Variants in CNBD1 observed in about 807,000 individuals in gnomAD.
The protein encoded by CNBD1 is cyclic nucleotide-binding domain-containing protein 1.
A neutral mutation model predicts 54.4 loss-of-function variants in CNBD1; 71 were observed. The ratio of observed to expected loss-of-function variants is 1.30; its 90% confidence interval spans 1.08 to 1.59. The LOEUF is 1.59. Ranked by LOEUF, CNBD1 falls within the 40% of genes most tolerant of loss-of-function variation. The pLI is 0.00. For synonymous variants in CNBD1, 182 were observed against 170.7 expected (o/e 1.07, Z -0.51); for missense variants, 659 against 518.0 (o/e 1.27, Z -2.64).
intron 4 of CNBD1, among the ~76,000 whole-genome samples, chr8:87,080,468 G>A (rs997999221): frequency 3.3e-5 from 5 of 151,988 alleles, no homozygotes; most frequent in African/African-American, 1.2e-4. Flanking sequence ...TGTAATCCCA[G>A]CTGAGGGATA....
At chr8:87,239,397 G>A (rs1807646746) in intron 6 of CNBD1, among the ~76,000 whole-genome samples, 1 of 151,838 alleles carries the variant, frequency 6.6e-6, no homozygotes, top group Non-Finnish European at 1.5e-5. Context: ...TTACTTAGTG[G>A]GCCTTTTTCA....
At chr8:87,415,768 TTAAAAAGCTG>T (rs1461716867) in intron 2 of CNBD1, among the ~76,000 whole-genome samples, 5 of 151,872 alleles carry the variant, frequency 3.3e-5, no homozygotes, top group Admixed American at 2.6e-4. Flanking sequence ...AACCTCCTGC[TTAAAAAGCTG>T]TAAAAAGCTA....
At chr8:87,406,417 T>C (rs1237328879) in intron 2 of CNBD1, among the ~76,000 whole-genome samples, 1 of 149,926 alleles carries the variant, frequency 6.7e-6, no homozygotes, top group Non-Finnish European at 1.5e-5. Context: ...TCACTAGAGG[T>C]AATACTCAGT....
chr8:86,972,947 C>T (rs997781700), intron 4 of CNBD1, among the ~76,000 whole-genome samples: 2 of 152,104 alleles, frequency 1.3e-5, no homozygotes, highest in African/African-American at 4.8e-5. Context: ...TCTTGCTGTC[C>T]CCTCATCCCC....
chr8:87,302,900 A>G (rs1452927222), intron 8 of CNBD1, among the ~76,000 whole-genome samples: 18 of 152,164 alleles, frequency 1.2e-4, no homozygotes, highest in Admixed American at 9.2e-4. Context: ...CTTCAAAGAG[A>G]ATAAAATACC....
rs543642193 is a variant in CNBD1 at position 87,347,701 on chromosome 8, A to C, written c.1043-3984A>C. On this transcript the variant is annotated intron_variant, in intron 8 of 10. Coordinates refer to ENST00000518476, the MANE Select transcript of CNBD1 (RefSeq NM_173538.3). ...GGTTTAATTGGTTATTGGGCTGGAC[A>C]TCAAATCTGGATAATCTCTTCTTCC... Among the ~76,000 whole-genome samples, 12 of 152,296 alleles carry C rather than the reference A, an allele frequency of 7.9e-5. 1 individual carries two copies. Among genetic ancestry groups the C allele is most frequent in the African/African-American group, 2.6e-4 (11 of 41,580 alleles).
At chr8:87,100,831 A>T (rs1466962700) in intron 4 of CNBD1, among the ~76,000 whole-genome samples, 1 of 152,208 alleles carries the variant, frequency 6.6e-6, no homozygotes, top group African/African-American at 2.4e-5. Flanking sequence ...GAGCTGACAG[A>T]GTGGCTGGAA....
intron 4 of CNBD1, among the ~76,000 whole-genome samples, chr8:87,135,360 C>T (rs1812206750): frequency 1.3e-5 from 2 of 151,666 alleles, no homozygotes; most frequent in South Asian, 4.1e-4. Flanking sequence ...TGACTACCTA[C>T]TGAAAATCTT....
intron 8 of CNBD1, among the ~76,000 whole-genome samples, chr8:87,345,445 C>A (rs1452335360): frequency 6.6e-6 from 1 of 152,140 alleles, no homozygotes; most frequent in Non-Finnish European, 1.5e-5. Flanking sequence ...AGAAGTCCCC[C>A]AAGTATCAGT....
chr8:87,275,861 C>T (rs1315809353), intron 6 of CNBD1, among the ~76,000 whole-genome samples: 1 of 151,734 alleles, frequency 6.6e-6, no homozygotes, highest in East Asian at 1.9e-4. Flanking sequence ...AGCTGATAAG[C>T]AACTTCAGCA....
intron 6 of CNBD1, among the ~76,000 whole-genome samples, chr8:87,275,545 A>G (rs1470007729): frequency 2.6e-5 from 4 of 151,824 alleles, no homozygotes; most frequent in African/African-American, 4.8e-5. Flanking sequence ...AAAACTCTCA[A>G]TAAATTAGGT....
intron 8 of CNBD1, among the ~76,000 whole-genome samples, chr8:87,288,985 G>GAT (rs1412938753): frequency 6.6e-6 from 1 of 152,034 alleles, no homozygotes; most frequent in Non-Finnish European, 1.5e-5. Context: ...TGACAAACTT[G>GAT]ATATATCAAA....
At chr8:86,927,120 G>A (rs116365745) in intron 3 of CNBD1, among the ~76,000 whole-genome samples, 3,528 of 152,230 alleles carry the variant, frequency 0.023, 43 homozygotes, top group Non-Finnish European at 0.03. Flanking sequence ...AGGTGTGTGA[G>A]TTTGTTGTTT....
At chr8:87,273,879 G>A (rs1446312127) in intron 6 of CNBD1, among the ~76,000 whole-genome samples, 6 of 151,082 alleles carry the variant, frequency 4.0e-5, no homozygotes, top group Non-Finnish European at 7.4e-5. Context: ...CCACTAACTC[G>A]TCATCTAGCA....
intron 4 of CNBD1, among the ~76,000 whole-genome samples, chr8:87,055,903 C>G (rs932145848): frequency 7.8e-6 from 1 of 128,536 alleles, no homozygotes; most frequent in Admixed American, 8.0e-5. Flanking sequence ...TCCTTCCTTC[C>G]TTCCTTCCTT....
intron 4 of CNBD1, among the ~76,000 whole-genome samples, chr8:87,075,706 C>T (rs1170178699): frequency 1.3e-5 from 2 of 152,160 alleles, no homozygotes; most frequent in Admixed American, 1.3e-4. Flanking sequence ...CCCTGATTGG[C>T]TTTCCATGAG....
At chr8:86,927,859 C>T (rs183218670) in intron 3 of CNBD1, among the ~76,000 whole-genome samples, 125 of 152,134 alleles carry the variant, frequency 8.2e-4, no homozygotes, top group African/African-American at 2.8e-3. Flanking sequence ...AAATAGGAGA[C>T]GTAAGTCCTC....
At chr8:87,210,098 G>C (rs1814061468) in intron 5 of CNBD1, among the ~76,000 whole-genome samples, 1 of 152,140 alleles carries the variant, frequency 6.6e-6, no homozygotes, top group Non-Finnish European at 1.5e-5. Context: ...GAATGGTGTT[G>C]GAGATAAATG....
intron 1 of CNBD1, among the ~76,000 whole-genome samples, chr8:86,884,370 A>G (rs1275529850): frequency 1.3e-5 from 2 of 152,154 alleles, no homozygotes; most frequent in African/African-American, 4.8e-5. Flanking sequence ...TTGACTGGGC[A>G]TTATTCTTTT....
Sources: allele counts gnomAD v4.1 joint callset (sites outside exome capture counted in the v4.1 genomes callset), GRCh38; gene constraint gnomAD v4.1.1; transcripts MANE v1.5; gene names NCBI Gene and HGNC (gene_info 2026-07-23, HGNC 2026-07-21).